Variants in PLD5 observed in about 807,000 individuals in gnomAD.
The protein encoded by PLD5 is phospholipase D family member 5.
In PLD5, 36 loss-of-function variants were observed where a neutral mutation model predicts 61.1. The observed-to-expected ratio is 0.59, with a 90% CI of 0.45 to 0.78. The LOEUF (loss-of-function observed/expected upper bound fraction) is 0.78, where lower values mean the gene tolerates loss of function less well. PLD5 is among the 30% of genes least tolerant of loss of function. The pLI, the probability that PLD5 is intolerant of heterozygous loss-of-function variation, is 0.00. For missense variants in PLD5, 515 were observed against 644.4 expected, an observed-to-expected ratio of 0.80 and a Z score of 2.17; for synonymous variants, 243 against 242.8, an observed-to-expected ratio of 1.00 and a Z score of -0.01.
intron 1 of PLD5, among the ~76,000 whole-genome samples, chr1:242,357,872 C>T (rs1453523042): frequency 6.6e-6 from 1 of 152,088 alleles, no homozygotes; most frequent in African/African-American, 2.4e-5. Context: ...GTGTATTATG[C>T]ACAGGTTAGG....
At chr1:242,465,363 C>T (rs1293799112) in intron 1 of PLD5, among the ~76,000 whole-genome samples, 1 of 152,228 alleles carries the variant, frequency 6.6e-6, no homozygotes, top group Non-Finnish European at 1.5e-5. Flanking sequence ...AATTGGTCTC[C>T]TTTATTATAC....
At chr1:242,102,461 G>T (rs1660759820) in intron 8 of PLD5, among the ~76,000 whole-genome samples, 1 of 152,166 alleles carries the variant, frequency 6.6e-6, no homozygotes, top group South Asian at 2.1e-4. Context: ...TTCAAAAGGG[G>T]TTTATTAATT....
rs919237342 is a variant in PLD5 at position 242,086,805 on chromosome 1, G to T, written c.*3049C>A. The T allele has an allele frequency of 2.6e-5, 4 of 152,180 alleles. No homozygotes were observed. Among genetic ancestry groups the T allele is most frequent in the African/African-American group, 9.7e-5 (4 of 41,446 alleles). 9.4% of individuals were successfully genotyped at this position (152,180 alleles called of 1,614,324 possible). ...TAGTGGTACTGAAATCCAAGATATA[G>T]TCTCTAATTGTGTTTGTTTTCCTTT... On this transcript the variant is annotated 3_prime_UTR_variant, in exon 10 of 10. Coordinates refer to ENST00000536534, the MANE Select transcript of PLD5 (RefSeq NM_001372062.1).
At chr1:242,390,494 C>G (rs1163248270) in intron 1 of PLD5, among the ~76,000 whole-genome samples, 1 of 152,158 alleles carries the variant, frequency 6.6e-6, no homozygotes, top group Non-Finnish European at 1.5e-5. Context: ...AATGTTAAAA[C>G]ATTCCATGAG....
intron 1 of PLD5, among the ~76,000 whole-genome samples, chr1:242,522,997 C>T (rs566459982): frequency 6.6e-6 from 1 of 152,274 alleles, no homozygotes; most frequent in South Asian, 2.1e-4. Flanking sequence ...CGTGTTTCCT[C>T]CTGGGAAGAA....
intron 4 of PLD5, among the ~76,000 whole-genome samples, chr1:242,225,163 A>T (rs1670850093): frequency 1.3e-5 from 2 of 151,860 alleles, no homozygotes; most frequent in Admixed American, 1.3e-4. Flanking sequence ...TTTGCTGTTG[A>T]GTGATGTTCC....
At chr1:242,138,034 A>T (rs1663878579) in intron 5 of PLD5, among the ~76,000 whole-genome samples, 1 of 152,238 alleles carries the variant, frequency 6.6e-6, no homozygotes, top group Admixed American at 6.5e-5. Flanking sequence ...GTAACCAAAC[A>T]TTACCAGAAC....
chr1:242,517,606 T>C (rs912677715), intron 1 of PLD5, among the ~76,000 whole-genome samples: 2 of 152,222 alleles, frequency 1.3e-5, no homozygotes, highest in Non-Finnish European at 2.9e-5. Context: ...TACTTTATCA[T>C]CTAAACAACC....
At chr1:242,469,612 G>T (rs1667378028) in intron 1 of PLD5, among the ~76,000 whole-genome samples, 1 of 152,128 alleles carries the variant, frequency 6.6e-6, no homozygotes, top group Non-Finnish European at 1.5e-5. Context: ...CTAGACTCAA[G>T]TTATCCTCCC....
chr1:242,109,577 GC>G (rs763493450), intron 7 of PLD5, among the ~76,000 whole-genome samples: 1 of 152,190 alleles, frequency 6.6e-6, no homozygotes, highest in African/African-American at 2.4e-5. Context: ...CTGGTTCCTG[GC>G]CCTTGCCCCC....
chr1:242,386,430 G>T (rs1662605215), intron 1 of PLD5, among the ~76,000 whole-genome samples: 1 of 152,262 alleles, frequency 6.6e-6, no homozygotes, highest in East Asian at 1.9e-4. Flanking sequence ...TGTACCTCCT[G>T]ATGTGACGCA....
Position 242,088,277 on chromosome 1 carries a change from A to G in PLD5, c.*1577T>C, listed in dbSNP as rs1188659412. The G allele has an allele frequency of 6.6e-6, 1 of 151,972 alleles. No individual in the cohort carries two copies. Among genetic ancestry groups the G allele is most frequent in the African/African-American group, 2.4e-5 (1 of 41,326 alleles). 9.4% of individuals were successfully genotyped at this position (151,972 alleles called of 1,614,324 possible). A position where few individuals can be genotyped will look rare whatever the true frequency, so the allele number is the denominator to read the frequency against. On this transcript the variant is annotated 3_prime_UTR_variant, in exon 10 of 10. Transcript: ENST00000536534. ...CGCAATGTTCTATTGAAATGTTGAC[A>G]ATCCAGATCTCCACCAGGGTTTCTG...
chr1:242,155,521 A>G (rs1349297223), intron 5 of PLD5, among the ~76,000 whole-genome samples: 2 of 152,074 alleles, frequency 1.3e-5, no homozygotes, highest in Non-Finnish European at 2.9e-5. Flanking sequence ...ACTGCTTTCA[A>G]TTTGTCCCAG....
At chr1:242,329,203 T>C (rs1290384834) in intron 2 of PLD5, among the ~76,000 whole-genome samples, 3 of 151,970 alleles carry the variant, frequency 2.0e-5, no homozygotes, top group African/African-American at 4.8e-5. Context: ...TAGAGACGGG[T>C]TTCACCATGT....
In PLD5 at chr1:242,489,247, C is replaced by T. The variant is rs552934649; in HGVS notation, c.189+34841G>A. ...GAGCATGAGTGAGTCCATCATCCGT[C>T]CCTTTTTGGGGTGATGGAGGCATTA... On this transcript the variant is annotated intron_variant, in intron 1 of 9. Coordinates refer to ENST00000536534, the MANE Select transcript of PLD5 (RefSeq NM_001372062.1). Among the ~76,000 whole-genome samples, 3 of 151,998 alleles carry T rather than the reference C, an allele frequency of 2.0e-5. No individual in the cohort carries two copies. The South Asian group carries it at 6.3e-4, about 32-fold the overall frequency.
At chr1:242,376,674 C>T (rs1357478136) in intron 1 of PLD5, among the ~76,000 whole-genome samples, 1 of 152,084 alleles carries the variant, frequency 6.6e-6, no homozygotes, top group Non-Finnish European at 1.5e-5. Context: ...AATACTGATA[C>T]AAACATGTAA....
At chr1:242,492,131 C>T (rs1383479745) in intron 1 of PLD5, among the ~76,000 whole-genome samples, 2 of 152,110 alleles carry the variant, frequency 1.3e-5, no homozygotes, top group Admixed American at 1.3e-4. Context: ...TGTCAATGAA[C>T]ACAGCCAAGA....
chr1:242,115,266 T>C (rs2574668), intron 6 of PLD5, among the ~76,000 whole-genome samples: 114,466 of 152,096 alleles, frequency 0.75, 43,154 homozygotes, highest in South Asian at 0.88. Flanking sequence ...CTGACCCTGG[T>C]CCATGGAAAA....
At chr1:242,477,990 A>T (rs1382959129) in intron 1 of PLD5, among the ~76,000 whole-genome samples, 1 of 152,212 alleles carries the variant, frequency 6.6e-6, no homozygotes, top group Non-Finnish European at 1.5e-5. Flanking sequence ...TTAAATGTAA[A>T]GGTGTCCTTA....
Sources: allele counts gnomAD v4.1 joint callset (sites outside exome capture counted in the v4.1 genomes callset), GRCh38; gene constraint gnomAD v4.1.1; transcripts MANE v1.5; gene names NCBI Gene and HGNC (gene_info 2026-07-23, HGNC 2026-07-21).